Variants in ANKIB1 observed in about 807,000 individuals in gnomAD.
The protein encoded by ANKIB1 is ankyrin repeat and IBR domain containing 1, also known as ankyrin repeat and IBR domain-containing protein 1.
A neutral mutation model predicts 122.1 loss-of-function variants in ANKIB1; 43 were observed. The ratio of observed to expected loss-of-function variants is 0.35; its 90% CI spans 0.28 to 0.45. ANKIB1 has a LOEUF of 0.45. ANKIB1 is among the 20% of genes least tolerant of loss of function. The pLI is 1.00. For missense variants in ANKIB1, 992 were observed against 1,329.5 expected (o/e 0.75, Z 3.95); for synonymous variants, 390 against 442.0 (o/e 0.88, Z 1.48).
chr7:92,292,969 T>TA lies in ANKIB1; in HGVS notation c.-90-1913dup, dbSNP rs570762417. 4.6e-5 allele frequency among the ~76,000 whole-genome samples: 7 copies of TA among 152,272 alleles called. No individual in the cohort carries two copies. In the South Asian group the frequency reaches 1.2e-3, roughly 27 times the overall value. Reference sequence around the variant, plus strand: ...ATGTATGTATTTGCATATTTAAAATTAAAAAAATCAATAATAACGCTTAAA... The same window carrying TA: ...ATGTATGTATTTGCATATTTAAAATTAAAAAAAATCAATAATAACGCTTAAA... On this transcript the variant is annotated intron_variant, in intron 1 of 19. Transcript: ENST00000265742.
chr7:92,351,028 T>C lies in ANKIB1; in HGVS notation c.1164T>C (p.Pro388=). 6.2e-7 allele frequency: 1 copy of C among 1,601,114 alleles called. No individual in the cohort carries two copies. Among genetic ancestry groups the C allele is most frequent in the South Asian group, 1.1e-5 (1 of 88,578 alleles). The stretch of plus-strand genomic sequence containing the variant: ...CATATGATTGCTTCCAACTTGTACC[T>C]GTGGATATCATAGAAAGTGTAGTTT... ...CPAYDCFQLV[P]VDIIESVVSK... Residue 388 remains proline (P), a synonymous_variant, in exon 8 of 20, where the codon CCT becomes CCC. Coordinates refer to ENST00000265742, the MANE Select transcript of ANKIB1 (RefSeq NM_019004.2).
intron 18 of ANKIB1, among the ~76,000 whole-genome samples, chr7:92,397,356 C>T (rs935129967): frequency 1.1e-4 from 17 of 151,828 alleles, no homozygotes; most frequent in Admixed American, 3.3e-4. Context: ...CATGGTGGTG[C>T]ACATCTGTAG....
intron 11 of ANKIB1, among the ~76,000 whole-genome samples, chr7:92,375,297 C>T (rs1485782947): frequency 1.3e-5 from 2 of 152,154 alleles, no homozygotes; most frequent in African/African-American, 4.8e-5. Flanking sequence ...TTTGCTGCTT[C>T]TGTTGACTGC....
At chr7:92,288,047 A>AC (rs920358071) in intron 1 of ANKIB1, among the ~76,000 whole-genome samples, 1 of 151,652 alleles carries the variant, frequency 6.6e-6, no homozygotes, top group Non-Finnish European at 1.5e-5. Context: ...AAAAAAAAAA[A>AC]AAAAAAAAAA....
rs775815948 is a variant in ANKIB1, at chr7:92,350,980, A to G, written c.1116A>G (p.Glu372=). The G allele has an allele frequency of 3.4e-5, 54 of 1,607,086 alleles. No individual in the cohort carries two copies. Among genetic ancestry groups the G allele is most frequent in the Non-Finnish European group, 3.7e-5 (44 of 1,176,888 alleles). Residue 372 remains glutamate, a synonymous_variant, in exon 8 of 20, where the codon GAA becomes GAG. Coordinates refer to ENST00000265742, the MANE Select transcript of ANKIB1 (RefSeq NM_019004.2). ...SFLNLKIQEG[E]AHNIFCPAYD... is the part of the protein sequence containing the mutation. ...TGAATCTGAAAATTCAAGAAGGTGA[A>G]GCTCACAACATTTTTTGCCCTGCAT...
At chr7:92,387,924 T>A (rs1160220563) in intron 13 of ANKIB1, 40 bp downstream of exon 13, 1 of 1,607,134 alleles carries the variant, frequency 6.2e-7, no homozygotes, top group Non-Finnish European at 8.5e-7. Flanking sequence ...ACCTATACTG[T>A]TGTGAATAAA....
intron 3 of ANKIB1, among the ~76,000 whole-genome samples, chr7:92,311,483 C>A (rs1266673304): frequency 6.6e-6 from 1 of 151,936 alleles, no homozygotes. Flanking sequence ...TATCTTTTTT[C>A]CCATTGTTAA....
At chr7:92,338,526 T>C (rs2131969590) in intron 5 of ANKIB1, among the ~76,000 whole-genome samples, 1 of 152,294 alleles carries the variant, frequency 6.6e-6, no homozygotes, top group South Asian at 2.1e-4. Flanking sequence ...ATTTTACATG[T>C]CCAGTTATTT....
At chr7:92,339,214 T>A (rs897539362) in intron 5 of ANKIB1, among the ~76,000 whole-genome samples, 2 of 150,712 alleles carry the variant, frequency 1.3e-5, no homozygotes, top group African/African-American at 2.4e-5. Flanking sequence ...GCTAATTTTT[T>A]TGTATTTTTA....
At chr7:92,253,006 G>A (rs1006560464) in intron 1 of ANKIB1, among the ~76,000 whole-genome samples, 13 of 152,104 alleles carry the variant, frequency 8.5e-5, no homozygotes, top group Middle Eastern at 3.4e-3. Context: ...CTTCCAAGCC[G>A]TCATAAAAGA....
At position 92,398,855 on chromosome 7, in the gene ANKIB1, G is replaced by A; in HGVS notation, c.3176G>A (p.Gly1059Asp). 1 of 1,605,002 alleles carries A rather than the reference G, an allele frequency of 6.2e-7. No homozygotes were observed. Among genetic ancestry groups the A allele is most frequent in the Non-Finnish European group, 8.5e-7 (1 of 1,175,488 alleles). ...GCAGCATCTCAAGCTGGTGACAGTGGTAACGAGGCAGCCAACAGAGGAGAT... is the reference window on the plus strand; with the variant it reads ...GCAGCATCTCAAGCTGGTGACAGTGATAACGAGGCAGCCAACAGAGGAGAT... ...GEAASQAGDS[G>D]NEAANRGDGS... Residue 1059 changes from glycine (G) to aspartate (D), a missense_variant, in exon 20 of 20, where the codon GGT becomes GAT. Coordinates refer to ENST00000265742, the MANE Select transcript of ANKIB1 (RefSeq NM_019004.2).
intron 1 of ANKIB1, among the ~76,000 whole-genome samples, chr7:92,267,347 A>G (rs1005929975): frequency 1.3e-5 from 2 of 152,188 alleles, no homozygotes; most frequent in African/African-American, 4.8e-5. Flanking sequence ...ATAGAGAAAT[A>G]TAACTAGTAC....
intron 6 of ANKIB1, among the ~76,000 whole-genome samples, chr7:92,344,192 G>GTT (rs1803488879): frequency 2.6e-5 from 3 of 115,296 alleles, no homozygotes; most frequent in Admixed American, 9.0e-5. Flanking sequence ...TTGTGTTTTT[G>GTT]GTTTTTTTTT....
chr7:92,313,821 G>C (rs947673512), intron 3 of ANKIB1, among the ~76,000 whole-genome samples: 6 of 152,142 alleles, frequency 3.9e-5, no homozygotes, highest in Admixed American at 2.6e-4. Context: ...AGTTCTCCTG[G>C]TGATTATTTG....
rs141186059 is a variant in ANKIB1 at position 92,277,463 on chromosome 7, G to T, written c.-90-17426G>T. Among the ~76,000 whole-genome samples the T allele has an allele frequency of 3.3e-3, 504 of 152,306 alleles. 2 individuals carry two copies. Among genetic ancestry groups the T allele is most frequent in the South Asian group, 6.2e-3 (30 of 4,828 alleles). ...CATAAGTCGAGGAGCATCTGTATTAGTCAGGCAGTCCCCAGTATGAACTCT... is the reference window on the plus strand; with the variant it reads ...CATAAGTCGAGGAGCATCTGTATTATTCAGGCAGTCCCCAGTATGAACTCT... On this transcript the variant is annotated intron_variant, in intron 1 of 19. Transcript: ENST00000265742.
chr7:92,250,322 G>A (rs1334721273), intron 1 of ANKIB1, among the ~76,000 whole-genome samples: 12 of 152,186 alleles, frequency 7.9e-5, no homozygotes, highest in Admixed American at 7.9e-4. Context: ...GAACCCAGGA[G>A]GCAGAGGTTG....
At chr7:92,309,942 A>AAATATATATATATATATAT (rs1335765681) in intron 3 of ANKIB1, among the ~76,000 whole-genome samples, 1 of 91,818 alleles carries the variant, frequency 1.1e-5, no homozygotes, top group African/African-American at 4.8e-5. Flanking sequence ...AAAAAAAAAA[A>AAATATATATATATATATAT]ATATATATAT....
At chr7:92,395,753 G>T (rs1804876348) in intron 17 of ANKIB1, 1 of 151,966 alleles carries the variant, frequency 6.6e-6, no homozygotes, top group Admixed American at 6.6e-5. Flanking sequence ...TGGCCAGGCT[G>T]GTCTCAAATT....
At chr7:92,248,260 C>T (rs1801242982) in intron 1 of ANKIB1, among the ~76,000 whole-genome samples, 1 of 151,956 alleles carries the variant, frequency 6.6e-6, no homozygotes, top group South Asian at 2.1e-4. Context: ...TTTGAGTTTT[C>T]AATATGTAAG....
Sources: allele counts gnomAD v4.1 joint callset (sites outside exome capture counted in the v4.1 genomes callset), GRCh38; gene constraint gnomAD v4.1.1; transcripts MANE v1.5; gene names NCBI Gene and HGNC (gene_info 2026-07-23, HGNC 2026-07-21).